Variants in KCNB2 observed in about 807,000 individuals in gnomAD.
KCNB2 encodes potassium voltage-gated channel subfamily B member 2, also known as delayed rectifier potassium channel protein.
A neutral mutation model predicts 61.5 loss-of-function variants in KCNB2; 15 were observed. That is an observed-to-expected ratio of 0.24 (90% CI 0.16 to 0.38). The LOEUF is 0.38. KCNB2 is among the 10% of genes least tolerant of loss of function. The pLI, the probability that KCNB2 is intolerant of heterozygous loss-of-function variation, is 1.00. For missense variants in KCNB2, 828 were observed against 1,125.2 expected (o/e 0.74, Z 3.78); for synonymous variants, 457 against 446.0 (o/e 1.02, Z -0.31).
chr8:72,547,585 T>G (rs1486783963), intron 1 of KCNB2, among the ~76,000 whole-genome samples: 2 of 152,170 alleles, frequency 1.3e-5, no homozygotes, highest in East Asian at 3.8e-4. Context: ...AGAAAATAAC[T>G]GCACATATGG....
intron 2 of KCNB2, among the ~76,000 whole-genome samples, chr8:72,781,332 G>A (rs1268033423): frequency 6.6e-6 from 1 of 152,108 alleles, no homozygotes; most frequent in African/African-American, 2.4e-5. Flanking sequence ...TTATTCTAGG[G>A]TTTTTAAAGT....
intron 2 of KCNB2, among the ~76,000 whole-genome samples, chr8:72,574,918 C>T (rs952944599): frequency 6.6e-6 from 1 of 152,158 alleles, no homozygotes; most frequent in Non-Finnish European, 1.5e-5. Context: ...CAATATTTAA[C>T]ACTGTCCACT....
intron 1 of KCNB2, among the ~76,000 whole-genome samples, chr8:72,549,458 C>T (rs1175052226): frequency 6.6e-6 from 1 of 152,124 alleles, no homozygotes; most frequent in Non-Finnish European, 1.5e-5. Flanking sequence ...GGTGTGACAA[C>T]AACACTTCTG....
At chr8:72,927,916 T>C in intron 2 of KCNB2, among the ~76,000 whole-genome samples, 1 of 152,136 alleles carries the variant, frequency 6.6e-6, no homozygotes, top group East Asian at 1.9e-4. Flanking sequence ...CCTTTATCCC[T>C]TTTCTGTGTA....
intron 2 of KCNB2, among the ~76,000 whole-genome samples, chr8:72,718,558 G>T (rs186861709): frequency 6.6e-6 from 1 of 150,736 alleles, no homozygotes; most frequent in Non-Finnish European, 1.5e-5. Context: ...GCAAACTTTC[G>T]CAAGGACAAA....
Position 72,567,841 on chromosome 8 carries a change from G to A in KCNB2, c.107G>A (p.Arg36Lys), listed in dbSNP as rs776064533. ...ATCCGGAGCAAAACATGCTCCAGGA[G>A]AGTTAAGATCAATGTGGGGGGCCTC... ...DIIRSKTCSRRVKINVGGLNH... is the reference protein window; with the variant it reads ...DIIRSKTCSRKVKINVGGLNH... The change falls in exon 2 of 3, where the codon AGA (arginine) becomes AAA (lysine). Residue 36 changes from arginine to lysine, a missense_variant. Physicochemically the swap from Arg to Lys is conservative, Grantham distance 26. Around this residue, in one of 4 missense-constraint regions of KCNB2, gnomAD observed 62 missense variants for 54.8 expected, o/e 1.13. Transcript: ENST00000523207. The A allele has an allele frequency of 6.2e-7, 1 of 1,614,048 alleles. No homozygotes were observed. Among genetic ancestry groups the A allele is most frequent in the South Asian group, 1.1e-5 (1 of 91,072 alleles).
intron 2 of KCNB2, among the ~76,000 whole-genome samples, chr8:72,901,794 A>G (rs1806096983): frequency 6.6e-6 from 1 of 152,158 alleles, no homozygotes; most frequent in Admixed American, 6.6e-5. Context: ...TGGAGGCTGC[A>G]CTATTTTGCA....
chr8:72,721,901 C>A (rs573749922), intron 2 of KCNB2, among the ~76,000 whole-genome samples: 34 of 152,342 alleles, frequency 2.2e-4, no homozygotes, highest in African/African-American at 7.5e-4. Context: ...GCCAACTGGA[C>A]ACTTTCCCCT....
At chr8:72,640,381 G>T (rs1806035332) in intron 2 of KCNB2, among the ~76,000 whole-genome samples, 1 of 151,346 alleles carries the variant, frequency 6.6e-6, no homozygotes, top group Admixed American at 6.6e-5. Context: ...CTGTTTTGCT[G>T]GTATTTTTTT....
intron 2 of KCNB2, among the ~76,000 whole-genome samples, chr8:72,841,961 A>G (rs1409233247): frequency 6.6e-6 from 1 of 152,164 alleles, no homozygotes; most frequent in Non-Finnish European, 1.5e-5. Flanking sequence ...AACTTCCAAC[A>G]CTATGCCGAA....
chr8:72,663,896 CTGTT>C (rs1024388828), intron 2 of KCNB2, among the ~76,000 whole-genome samples: 88 of 152,264 alleles, frequency 5.8e-4, no homozygotes, highest in African/African-American at 2.0e-3. Context: ...TGCAGTTTGT[CTGTT>C]TGTTAGTGTA....
intron 2 of KCNB2, among the ~76,000 whole-genome samples, chr8:72,907,472 C>T (rs1255972853): frequency 2.6e-5 from 4 of 152,078 alleles, no homozygotes; most frequent in Admixed American, 6.6e-5. Flanking sequence ...GTACACTATG[C>T]AAAGAAGAAG....
intron 2 of KCNB2, among the ~76,000 whole-genome samples, chr8:72,833,093 G>T (rs552574604): frequency 2.6e-5 from 4 of 152,302 alleles, no homozygotes; most frequent in Admixed American, 2.0e-4. Context: ...AATGCATAAG[G>T]TTTGACAAGG....
At chr8:72,708,135 T>C (rs555465799) in intron 2 of KCNB2, among the ~76,000 whole-genome samples, 3 of 152,202 alleles carry the variant, frequency 2.0e-5, no homozygotes, top group African/African-American at 7.2e-5. Flanking sequence ...AACAGGATGC[T>C]GGAGTGCAAA....
At chr8:72,889,858 C>T (rs993641662) in intron 2 of KCNB2, among the ~76,000 whole-genome samples, 1 of 152,046 alleles carries the variant, frequency 6.6e-6, no homozygotes, top group Admixed American at 6.5e-5. Context: ...TGGGTTCAAG[C>T]AATTCTCCTG....
chr8:72,571,980 T>C (rs968662170), intron 2 of KCNB2, among the ~76,000 whole-genome samples: 1 of 152,196 alleles, frequency 6.6e-6, no homozygotes, highest in African/African-American at 2.4e-5. Flanking sequence ...AAATATTGCA[T>C]ATAGTGACTT....
At chr8:72,769,059 C>G (rs971420758) in intron 2 of KCNB2, among the ~76,000 whole-genome samples, 7 of 152,022 alleles carry the variant, frequency 4.6e-5, no homozygotes, top group South Asian at 2.1e-4. Flanking sequence ...GCTCGGGAGG[C>G]TGAGGCAGGA....
chr8:72,796,263 G>T (rs1200042658), intron 2 of KCNB2, among the ~76,000 whole-genome samples: 1 of 152,106 alleles, frequency 6.6e-6, no homozygotes, highest in Non-Finnish European at 1.5e-5. Context: ...ACAGATTCAG[G>T]TTTGCTCTTT....
chr8:72,713,041 G>A (rs866259295), intron 2 of KCNB2, among the ~76,000 whole-genome samples: 6 of 152,216 alleles, frequency 3.9e-5, no homozygotes, highest in Non-Finnish European at 7.3e-5. Flanking sequence ...AGGGTCCTAC[G>A]CCCACGGAGC....
Sources: gnomAD v4.1 joint callset for allele counts (sites outside exome capture counted in the v4.1 genomes callset) on GRCh38, gnomAD v4.1.1 for gene constraint, gnomAD v4.1.1 regional missense constraint, MANE v1.5 for transcripts, NCBI Gene and HGNC (gene_info 2026-07-23, HGNC 2026-07-21) for gene names.